The following PDE2A variants were observed in gnomAD, a reference collection of about 807,000 sequenced individuals.
The protein encoded by PDE2A is phosphodiesterase 2A.
PDE2A carries 53 observed loss-of-function variants against 133.6 expected under a neutral mutation model. The observed-to-expected ratio is 0.40, with a 90% CI of 0.32 to 0.50. The LOEUF (loss-of-function observed/expected upper bound fraction) is 0.50. Ranked by LOEUF, PDE2A falls within the 20% of genes least tolerant of loss-of-function variation. The probability of loss-of-function intolerance (pLI) is 0.73; values close to 1 mark genes in which losing one functional copy is unlikely to be tolerated. For synonymous variants in PDE2A, 491 were observed against 490.2 expected (o/e 1.00, Z -0.02); for missense variants, 796 against 1,232.4 (o/e 0.65, Z 5.30).
intron 2 of PDE2A, among the ~76,000 whole-genome samples, chr11:72,637,701 G>A (rs1858763743): frequency 6.6e-6 from 1 of 152,226 alleles, no homozygotes; most frequent in African/African-American, 2.4e-5. Context: ...TCAGTGCCTC[G>A]GGCTCAGGGT....
intron 17 of PDE2A, 33 bp downstream of exon 17, chr11:72,584,839 C>CTATGTCCGGGACA: frequency 2.5e-6 from 4 of 1,611,678 alleles, no homozygotes; most frequent in Non-Finnish European, 2.5e-6. Context: ...CCGGACACCC[C>CTATGTCCGGGACA]TAGGGCCACA....
At position 72,577,354 on chromosome 11, in the gene PDE2A, G is replaced by A. The variant is rs1855512693; in HGVS notation, c.*30C>T. On this transcript the variant is annotated 3_prime_UTR_variant, in exon 31 of 31. Transcript: ENST00000334456. ...GACCAGTGGAGGGCTGTGGGAGGTGGCCTGGGCAGGGAAGTGTCCCTGGAG... is the reference window on the plus strand; with the variant it reads ...GACCAGTGGAGGGCTGTGGGAGGTGACCTGGGCAGGGAAGTGTCCCTGGAG... The A allele has an allele frequency of 1.3e-6, 2 of 1,559,552 alleles. No individual in the cohort carries two copies. The highest frequency in any genetic ancestry group is 1.8e-6 in the Non-Finnish European group (2 of 1,136,260).
At chr11:72,668,667 G>A (rs1565200418) in intron 1 of PDE2A, among the ~76,000 whole-genome samples, 2 of 152,268 alleles carry the variant, frequency 1.3e-5, no homozygotes, top group Non-Finnish European at 2.9e-5. Context: ...ATTCACAACA[G>A]ACTACAGCTC....
intron 1 of PDE2A, among the ~76,000 whole-genome samples, chr11:72,662,233 T>G (rs1449513254): frequency 6.6e-6 from 1 of 152,150 alleles, no homozygotes; most frequent in East Asian, 1.9e-4. Context: ...GGCAGAAAGC[T>G]GCAGGGGAGA....
intron 2 of PDE2A, chr11:72,635,874 C>T: frequency 1.5e-6 from 1 of 668,552 alleles, no homozygotes; most frequent in Non-Finnish European, 2.0e-6. Flanking sequence ...TACTGCTCTT[C>T]AGCTCTGCCT....
intron 22 of PDE2A, 116 bp from the exon 23 acceptor site, chr11:72,581,595 G>C (rs1855728349): frequency 7.8e-6 from 9 of 1,159,350 alleles, no homozygotes; most frequent in Non-Finnish European, 8.5e-6. Flanking sequence ...AGCCTTCCTT[G>C]ATGACTCTGT....
intron 14 of PDE2A, 84 bp from the exon 15 acceptor site, chr11:72,585,677 G>T (rs551187857): frequency 1.7e-5 from 21 of 1,213,258 alleles, no homozygotes; most frequent in Middle Eastern, 4.1e-4. Context: ...CAGCACCCGG[G>T]TCTTCTCCTT....
intron 1 of PDE2A, among the ~76,000 whole-genome samples, chr11:72,670,083 C>G (rs1040155000): frequency 2.6e-5 from 4 of 152,170 alleles, no homozygotes; most frequent in African/African-American, 9.7e-5. Context: ...ACTCTGAACT[C>G]CTATAGTGCT....
At chr11:72,668,981 G>C (rs142316257) in intron 1 of PDE2A, 37 of 1,002,832 alleles carry the variant, frequency 3.7e-5, no homozygotes, top group Non-Finnish European at 4.3e-5. Flanking sequence ...GTGGCTGATC[G>C]TGGGTGGTTC....
At position 72,579,514 on chromosome 11, in the gene PDE2A, C is replaced by T. The variant is rs1478500525; in HGVS notation, c.2256+20G>A. On this transcript the variant is annotated intron_variant, in intron 26 of 30. Transcript: ENST00000334456. ...CTCCCAGCTCCCCCTCAATCCCCAC[C>T]CCACCCCCAACCCCATCACCTTCCG... 1 of 1,462,308 alleles carries T rather than the reference C, an allele frequency of 6.8e-7. No homozygotes were observed. Among genetic ancestry groups the T allele is most frequent in the Non-Finnish European group, 9.5e-7 (1 of 1,049,632 alleles). The allele number at this position is 1,462,308 out of a possible 1,614,324, so 90.6% of individuals were successfully genotyped here.
At chr11:72,652,831 C>G (rs890424897) in intron 1 of PDE2A, 30 of 408,316 alleles carry the variant, frequency 7.3e-5, no homozygotes, top group African/African-American at 6.0e-4. Flanking sequence ...CAGGGCCTCC[C>G]CCAGTCCTTC....
rs1678804386 is a variant in PDE2A, at chr11:72,580,249, A to C, written c.2181+328T>G. The stretch of plus-strand genomic sequence containing the variant: ...AGAAATGGCTCAGACCTTGTGCACG[A>C]GGAGGTAGGCAGACCCAAACCAAAC... On this transcript the variant is annotated intron_variant, in intron 25 of 30. Transcript: ENST00000334456. Among the ~76,000 whole-genome samples, 3 of 152,320 alleles carry C rather than the reference A, an allele frequency of 2.0e-5. No individual in the cohort carries two copies. In the South Asian group the frequency reaches 6.2e-4, roughly 32 times the overall value.
chr11:72,621,335 T>C (rs373168202), intron 2 of PDE2A, among the ~76,000 whole-genome samples: 1 of 152,174 alleles, frequency 6.6e-6, no homozygotes, highest in East Asian at 1.9e-4. Flanking sequence ...CTCCCTCCCA[T>C]ACTCAGCAGC....
intron 2 of PDE2A, among the ~76,000 whole-genome samples, chr11:72,635,304 C>T (rs564163678): frequency 4.3e-4 from 66 of 152,288 alleles, no homozygotes; most frequent in African/African-American, 1.5e-3. Context: ...GTGGAGGGAG[C>T]GCCCACCATT....
intron 16 of PDE2A, 36 bp from the exon 17 acceptor site, chr11:72,584,980 C>G: frequency 6.2e-7 from 1 of 1,600,542 alleles, no homozygotes; most frequent in African/African-American, 1.3e-5. Context: ...TGGGGCCTGA[C>G]AACCCCCTCT....
rs374580574 is a variant in PDE2A, at chr11:72,588,773, C to T, written c.1070+11G>A. On this transcript the variant is annotated intron_variant, in intron 13 of 30. Coordinates refer to ENST00000334456, the MANE Select transcript of PDE2A (RefSeq NM_002599.5). ...ACATCTCCTGATCTGCATCATCCCA[C>T]AAAGACTCACAAGTCTCCTTCTAGC... The T allele has an allele frequency of 2.5e-5, 40 of 1,586,418 alleles. No individual in the cohort carries two copies. The highest frequency in any genetic ancestry group is 3.3e-4 in the Middle Eastern group (2 of 5,980).
At chr11:72,615,846 G>A (rs959623553) in intron 2 of PDE2A, among the ~76,000 whole-genome samples, 7 of 152,166 alleles carry the variant, frequency 4.6e-5, no homozygotes, top group Admixed American at 2.0e-4. Flanking sequence ...TCAGAGTCGC[G>A]CCACAAAAGA....
chr11:72,664,567 G>A (rs1855178326), intron 1 of PDE2A, among the ~76,000 whole-genome samples: 1 of 150,622 alleles, frequency 6.6e-6, no homozygotes, highest in South Asian at 2.1e-4. Context: ...TAGAGACGGG[G>A]TTTCACCGTG....
intron 2 of PDE2A, among the ~76,000 whole-genome samples, chr11:72,615,338 G>T (rs7926573): frequency 2.6e-5 from 4 of 152,244 alleles, no homozygotes; most frequent in African/African-American, 7.2e-5. Context: ...CAGGAGCTAG[G>T]TTTGGGGGTG....
Sources: gnomAD v4.1 joint callset for allele counts (sites outside exome capture counted in the v4.1 genomes callset) on GRCh38, gnomAD v4.1.1 for gene constraint, MANE v1.5 for transcripts, NCBI Gene and HGNC (gene_info 2026-07-23, HGNC 2026-07-21) for gene names.